The following SPATA17 variants were observed in gnomAD, a reference collection of about 807,000 sequenced individuals.
SPATA17 encodes the protein spermatogenesis associated 17.
Under a neutral mutation model 62.2 loss-of-function variants are expected in SPATA17, and 53 were observed. The observed-to-expected ratio is 0.85, with a 90% CI of 0.68 to 1.07. The LOEUF is 1.07. Among genes scored for constraint, SPATA17 ranks in the 50% least tolerant of loss-of-function variants. The probability of loss-of-function intolerance (pLI) is 0.00; values close to 1 mark genes in which losing one functional copy is unlikely to be tolerated. For missense variants in SPATA17, 466 were observed against 425.5 expected (o/e 1.10, Z -0.84); for synonymous variants, 146 against 146.8 (o/e 0.99, Z 0.04).
intron 6 of SPATA17, among the ~76,000 whole-genome samples, chr1:217,748,659 G>A (rs944516730): frequency 6.7e-5 from 10 of 149,618 alleles, no homozygotes; most frequent in African/African-American, 2.5e-4. Flanking sequence ...CAGGAGAATC[G>A]CTTGAACCTG....
chr1:217,711,317 A>G (rs1421407934), intron 5 of SPATA17, among the ~76,000 whole-genome samples: 2 of 152,138 alleles, frequency 1.3e-5, no homozygotes, highest in Non-Finnish European at 2.9e-5. Context: ...CAAGTAGGCC[A>G]TGGTGTCTGT....
At chr1:217,672,518 C>G (rs1670854903) in intron 4 of SPATA17, among the ~76,000 whole-genome samples, 1 of 152,140 alleles carries the variant, frequency 6.6e-6, no homozygotes, top group Admixed American at 6.5e-5. Context: ...GCTACCATGA[C>G]AACTAAAATG....
At chr1:217,727,075 C>G (rs1421842673) in intron 5 of SPATA17, among the ~76,000 whole-genome samples, 1 of 151,738 alleles carries the variant, frequency 6.6e-6, no homozygotes, top group Non-Finnish European at 1.5e-5. Context: ...TGGAGAAACC[C>G]CATCTCTACT....
At chr1:217,645,677 T>C (rs901762505) in intron 1 of SPATA17, among the ~76,000 whole-genome samples, 2 of 152,224 alleles carry the variant, frequency 1.3e-5, no homozygotes, top group Non-Finnish European at 2.9e-5. Flanking sequence ...TTTTCCACAT[T>C]CTATCTTCTT....
intron 7 of SPATA17, among the ~76,000 whole-genome samples, chr1:217,777,239 T>C (rs1338881350): frequency 6.6e-6 from 1 of 152,180 alleles, no homozygotes; most frequent in Non-Finnish European, 1.5e-5. Context: ...TTTTTTTTAC[T>C]CTCTCAAAAC....
At chr1:217,866,201 A>G (rs1394031406) in intron 10 of SPATA17, among the ~76,000 whole-genome samples, 1 of 152,194 alleles carries the variant, frequency 6.6e-6, no homozygotes, top group African/African-American at 2.4e-5. Flanking sequence ...TTTGTCATTC[A>G]GTTTGGCATC....
intron 6 of SPATA17, among the ~76,000 whole-genome samples, chr1:217,746,218 T>C (rs1002629823): frequency 6.6e-6 from 1 of 152,012 alleles, no homozygotes; most frequent in African/African-American, 2.4e-5. Context: ...CTTGCAGATA[T>C]TTGAAAATTC....
intron 9 of SPATA17, among the ~76,000 whole-genome samples, chr1:217,805,934 C>T (rs1271599375): frequency 6.6e-6 from 1 of 152,102 alleles, no homozygotes; most frequent in Non-Finnish European, 1.5e-5. Flanking sequence ...TGTGGGAAAA[C>T]AAACAAGAAC....
chr1:217,668,775 A>G (rs1670765368), intron 3 of SPATA17, among the ~76,000 whole-genome samples: 1 of 152,188 alleles, frequency 6.6e-6, no homozygotes, highest in East Asian at 1.9e-4. Context: ...ACCATTGATT[A>G]TCAAACTCAG....
chr1:217,816,763 A>G (rs1674726282), intron 9 of SPATA17, among the ~76,000 whole-genome samples: 1 of 152,100 alleles, frequency 6.6e-6, no homozygotes, highest in South Asian at 2.1e-4. Context: ...TAAAAAGATC[A>G]ATATGTTTTT....
intron 8 of SPATA17, among the ~76,000 whole-genome samples, chr1:217,800,153 A>G (rs1157889346): frequency 6.6e-6 from 1 of 152,088 alleles, no homozygotes; most frequent in Non-Finnish European, 1.5e-5. Flanking sequence ...CTGGTAATTC[A>G]TTCTTAAGTT....
intron 5 of SPATA17, among the ~76,000 whole-genome samples, chr1:217,706,830 T>A (rs1443534771): frequency 6.6e-6 from 1 of 152,048 alleles, no homozygotes; most frequent in East Asian, 1.9e-4. Context: ...TAGCTATATT[T>A]CTATTTATTA....
intron 9 of SPATA17, among the ~76,000 whole-genome samples, chr1:217,818,902 T>G (rs1238640699): frequency 2.7e-5 from 4 of 149,432 alleles, no homozygotes; most frequent in African/African-American, 7.3e-5. Context: ...TTTTTTGGCT[T>G]TCTTTTAAAT....
chr1:217,704,859 G>A (rs534553200), intron 5 of SPATA17, among the ~76,000 whole-genome samples: 55 of 152,200 alleles, frequency 3.6e-4, no homozygotes, highest in African/African-American at 1.2e-3. Flanking sequence ...GTACTGAGAC[G>A]AACAGACATG....
chr1:217,700,146 C>T (rs1352777380), intron 5 of SPATA17, among the ~76,000 whole-genome samples: 1 of 151,886 alleles, frequency 6.6e-6, no homozygotes, highest in Admixed American at 6.6e-5. Flanking sequence ...TATTCTCAGC[C>T]TTTTGCTTTT....
At chr1:217,814,284 T>G (rs930664000) in intron 9 of SPATA17, among the ~76,000 whole-genome samples, 2 of 152,138 alleles carry the variant, frequency 1.3e-5, no homozygotes, top group African/African-American at 4.8e-5. Context: ...GTAACTGCAA[T>G]AAAGCTTGAA....
intron 5 of SPATA17, among the ~76,000 whole-genome samples, chr1:217,704,232 T>C (rs1489562125): frequency 5.0e-5 from 5 of 99,282 alleles, no homozygotes; most frequent in African/African-American, 2.2e-4. Context: ...CCCTCTACCT[T>C]TTTTTTTTTT....
chr1:217,842,107 T>C (rs1173631456), intron 9 of SPATA17, among the ~76,000 whole-genome samples: 1 of 151,988 alleles, frequency 6.6e-6, no homozygotes, highest in African/African-American at 2.4e-5. Context: ...TTTTATTCTG[T>C]TATAGTGAAT....
At chr1:217,808,262 C>T (rs1674489879) in intron 9 of SPATA17, among the ~76,000 whole-genome samples, 1 of 151,986 alleles carries the variant, frequency 6.6e-6, no homozygotes. Flanking sequence ...AGAATGTGCC[C>T]CTGCATTTTA....
Sources: gnomAD v4.1 joint callset for allele counts (sites outside exome capture counted in the v4.1 genomes callset) on GRCh38, gnomAD v4.1.1 for gene constraint, MANE v1.5 for transcripts, NCBI Gene and HGNC (gene_info 2026-07-23, HGNC 2026-07-21) for gene names.